Variants in RGS9 observed in about 807,000 individuals in gnomAD.
RGS9 encodes regulator of G protein signaling 9.
In RGS9, 78 loss-of-function variants were observed where a neutral mutation model predicts 102.0. The observed-to-expected ratio is 0.76, with a 90% confidence interval of 0.64 to 0.92. The LOEUF is 0.92. Ranked by LOEUF, RGS9 falls within the 40% of genes least tolerant of loss-of-function variation. The pLI is 0.00. For synonymous variants in RGS9, 353 were observed against 318.6 expected (o/e 1.11, Z -1.15); for missense variants, 833 against 866.1 (o/e 0.96, Z 0.48).
chr17:65,144,406 T>C (rs1910275600), intron 1 of RGS9, among the ~76,000 whole-genome samples: 1 of 152,134 alleles, frequency 6.6e-6, no homozygotes, highest in Non-Finnish European at 1.5e-5. Context: ...CCCTCTGTGA[T>C]GTCGGGGTTC....
chr17:65,145,152 G>A (rs544533640), intron 1 of RGS9, among the ~76,000 whole-genome samples: 1 of 149,618 alleles, frequency 6.7e-6, no homozygotes, highest in Non-Finnish European at 1.5e-5. Flanking sequence ...GTGCAATGGC[G>A]AGATCTTGGC....
At chr17:65,198,505 C>G (rs903484242) in intron 13 of RGS9, among the ~76,000 whole-genome samples, 1 of 152,206 alleles carries the variant, frequency 6.6e-6, no homozygotes, top group African/African-American at 2.4e-5. Context: ...ATCCACCTGC[C>G]TCGGCCTCCC....
chr17:65,206,089 T>C (rs1913054485), intron 15 of RGS9, among the ~76,000 whole-genome samples: 1 of 152,214 alleles, frequency 6.6e-6, no homozygotes, highest in South Asian at 2.1e-4. Flanking sequence ...ATATAGGTTA[T>C]GTATATAGGT....
In RGS9 at chr17:65,173,696, G is replaced by T. The variant is rs145726652; in HGVS notation, c.583-4036G>T. On this transcript the variant is annotated intron_variant, in intron 8 of 18. Coordinates refer to ENST00000262406, the MANE Select transcript of RGS9 (RefSeq NM_003835.4). This position sits in a 1 kb window ranked among gnomAD's most constrained non-coding sequence, Gnocchi z 4.8. ...CGGGCCACACACCGCAGGATGCATC[G>T]GCTGCCCTTATTTCCTGGGCGCTGA... Among the ~76,000 whole-genome samples the T allele has an allele frequency of 6.6e-6, 1 of 152,192 alleles. No homozygotes were observed. Among genetic ancestry groups the T allele is most frequent in the Non-Finnish European group, 1.5e-5 (1 of 68,040 alleles).
rs758679125 is a variant in RGS9, at chr17:65,210,536, T to C, written c.1338T>C (p.Pro446=). 1.2e-6 allele frequency: 2 copies of C among 1,614,034 alleles called. No individual in the cohort carries two copies. Among genetic ancestry groups the C allele is most frequent in the African/African-American group, 1.3e-5 (1 of 75,008 alleles). ...MRRHLRSSPS[P]VILRQLEEEA... The stretch of plus-strand genomic sequence containing the variant: ...GTCACCTGCGCTCCAGCCCAAGCCC[T>C]GTCATCCTGAGACAGCTGGAAGAGG... Residue 446 remains proline (P), a synonymous_variant, in exon 17 of 19, where the codon CCT becomes CCC. Coordinates refer to ENST00000262406, the MANE Select transcript of RGS9 (RefSeq NM_003835.4).
At chr17:65,189,174 G>GA in intron 9 of RGS9, 112 bp from the exon 10 acceptor site, 2 of 863,998 alleles carry the variant, frequency 2.3e-6, no homozygotes, top group Admixed American at 1.9e-5. Context: ...TTTTAAGAAA[G>GA]AAAAAAATGG....
At chr17:65,219,157 T>G (rs929261687) in intron 17 of RGS9, among the ~76,000 whole-genome samples, 2 of 152,184 alleles carry the variant, frequency 1.3e-5, no homozygotes, top group Non-Finnish European at 2.9e-5. Flanking sequence ...CTCAGGGCTG[T>G]GTGCATTTGT....
intron 8 of RGS9, among the ~76,000 whole-genome samples, chr17:65,176,714 T>TCCATCCATCCAA (rs2144033780): frequency 8.1e-6 from 1 of 122,840 alleles, no homozygotes; most frequent in African/African-American, 4.3e-5. Flanking sequence ...CACTCAACCA[T>TCCATCCATCCAA]CCATCCATCC....
In RGS9 at chr17:65,160,859, C is replaced by G. The variant is rs1201777650; in HGVS notation, c.373C>G (p.Leu125Val). The change falls in exon 6 of 19, where the codon CTG becomes GTG. Residue 125 changes from leucine to valine, a missense_variant. By Grantham distance (32) the Leu-to-Val change is conservative (BLOSUM62 1). This residue lies in a region of RGS9 where 328 missense variants were observed against 340.6 expected (regional missense o/e 0.96). Transcript: ENST00000262406. ...PAEDTDYAIY[L>V]AKRNIKKKGI... ...ATTGCTTTCTTTTCCAGCCATCTAT[C>G]TGGCCAAGCGAAATATCAAAAAGAA... The G allele has an allele frequency of 6.2e-7, 1 of 1,613,942 alleles. No homozygotes were observed. Among genetic ancestry groups the G allele is most frequent in the Non-Finnish European group, 8.5e-7 (1 of 1,179,828 alleles).
At chr17:65,198,800 C>T (rs1052559242) in intron 13 of RGS9, among the ~76,000 whole-genome samples, 6 of 152,248 alleles carry the variant, frequency 3.9e-5, no homozygotes, top group African/African-American at 1.2e-4. Flanking sequence ...CTGGACATGC[C>T]TTTAGCCTGG....
Position 65,197,232 on chromosome 17 carries a change from G to A in RGS9, c.967G>A (p.Glu323Lys). The change falls in exon 13 of 19, where the codon GAA (glutamate) becomes AAA (lysine). Residue 323 changes from glutamate (E) to lysine (K), a missense_variant. Glu to Lys is a moderately conservative substitution (Grantham distance 56). Coordinates refer to ENST00000262406, the MANE Select transcript of RGS9 (RefSeq NM_003835.4). ...GAGCTTCCAGTACTTCCTCAAGAAA[G>A]AATTCAGTGGTGGGTCTTTGTTTAC... ...RQSFQYFLKK[E>K]FSGENLGFWE... The A allele has an allele frequency of 6.2e-7, 1 of 1,601,846 alleles. No homozygotes were observed. The highest frequency in any genetic ancestry group is 8.6e-7 in the Non-Finnish European group (1 of 1,169,196).
At chr17:65,172,106 G>A (rs1911442889) in intron 8 of RGS9, among the ~76,000 whole-genome samples, 1 of 152,046 alleles carries the variant, frequency 6.6e-6, no homozygotes, top group African/African-American at 2.4e-5. Context: ...AATAAATTGA[G>A]GTATATTAAC....
chr17:65,201,565 T>G (rs186879996), intron 13 of RGS9, among the ~76,000 whole-genome samples: 29 of 152,354 alleles, frequency 1.9e-4, no homozygotes, highest in African/African-American at 6.7e-4. Flanking sequence ...AGCCTATTCA[T>G]GTGCGAGCTC....
chr17:65,180,038 A>G lies in RGS9; in HGVS notation c.654+2235A>G, dbSNP rs981411929. The G allele has an allele frequency of 2.6e-5, 4 of 152,292 alleles. No homozygotes were observed. The East Asian group carries it at 7.7e-4, about 29-fold the overall frequency. 9.4% of individuals were successfully genotyped at this position (152,292 alleles called of 1,614,324 possible). On this transcript the variant is annotated intron_variant, in intron 9 of 18. Coordinates refer to ENST00000262406, the MANE Select transcript of RGS9 (RefSeq NM_003835.4). ...GTCTGTGCACTCTGGCTGCTGTGGAATAAAGTATTAAGAAGAATAAAGAAC... is the reference window on the plus strand; with the variant it reads ...GTCTGTGCACTCTGGCTGCTGTGGAGTAAAGTATTAAGAAGAATAAAGAAC...
chr17:65,160,161 G>A, intron 3 of RGS9, 72 bp from the exon 4 acceptor site: 1 of 1,173,854 alleles, frequency 8.5e-7, no homozygotes, highest in Non-Finnish European at 1.3e-6. Context: ...AGTTTGGGGT[G>A]CCGTGGGGGC....
chr17:65,160,219 A>G lies in RGS9; in HGVS notation c.206-14A>G, dbSNP rs746674901. On this transcript the variant is annotated splice_polypyrimidine_tract_variant and intron_variant, in intron 3 of 18. Transcript: ENST00000262406. ...CCCTGCTCTTAACATCCATGTCTGAACTGCTTTTCCCAGAGGCACAGAACT... is the reference window on the plus strand; with the variant it reads ...CCCTGCTCTTAACATCCATGTCTGAGCTGCTTTTCCCAGAGGCACAGAACT... The G allele has an allele frequency of 6.2e-7, 1 of 1,600,388 alleles. No individual in the cohort carries two copies.
At chr17:65,201,490 T>C (rs1330462784) in intron 13 of RGS9, among the ~76,000 whole-genome samples, 1 of 152,166 alleles carries the variant, frequency 6.6e-6, no homozygotes, top group East Asian at 1.9e-4. Flanking sequence ...CGCTCAGTCA[T>C]TCAACGGGAG....
intron 8 of RGS9, 137 bp downstream of exon 8, chr17:65,168,418 G>A (rs1276289292): frequency 2.9e-6 from 2 of 700,782 alleles, no homozygotes; most frequent in African/African-American, 1.8e-5. Context: ...TCAGTGTTGG[G>A]TTAGCATCCA....
At position 65,138,568 on chromosome 17, in the gene RGS9, C is replaced by T. The variant is rs545135961; in HGVS notation, c.57+971C>T. Among the ~76,000 whole-genome samples, 34 of 152,074 alleles carry T rather than the reference C, an allele frequency of 2.2e-4. 1 individual carries two copies. The East Asian group carries it at 4.3e-3, about 19-fold the overall frequency. ...TTTGGTCCACCTGTTTCAAGATGCT[C>T]GTGCTCATCTTCCGGGTAGCAGAGG... On this transcript the variant is annotated intron_variant, in intron 1 of 18. Coordinates refer to ENST00000262406, the MANE Select transcript of RGS9 (RefSeq NM_003835.4).
Sources: gnomAD v4.1 joint callset for allele counts (sites outside exome capture counted in the v4.1 genomes callset) on GRCh38, gnomAD v4.1.1 for gene constraint, gnomAD v4.1.1 regional missense constraint, Gnocchi (gnomAD v3.1) non-coding constraint, MANE v1.5 for transcripts, NCBI Gene and HGNC (gene_info 2026-07-23, HGNC 2026-07-21) for gene names.